The following NUDCD3 variants were observed in gnomAD, a reference collection of about 807,000 sequenced individuals.
The protein encoded by NUDCD3 is nudC domain-containing protein 3.
In NUDCD3, 13 loss-of-function variants were observed where a neutral mutation model predicts 39.7. The observed-to-expected ratio is 0.33, with a 90% CI of 0.21 to 0.52. The LOEUF (loss-of-function observed/expected upper bound fraction) is 0.52, where lower values mean the gene tolerates loss of function less well. NUDCD3 is among the 20% of genes least tolerant of loss of function. NUDCD3 has a pLI of 0.96. For missense variants in NUDCD3, 453 were observed against 458.1 expected (o/e 0.99, Z 0.10); for synonymous variants, 175 against 172.4 (o/e 1.02, Z -0.12).
At chr7:44,443,416 C>A (rs1253867829) in intron 2 of NUDCD3, among the ~76,000 whole-genome samples, 1 of 149,776 alleles carries the variant, frequency 6.7e-6, no homozygotes, top group Non-Finnish European at 1.5e-5. Flanking sequence ...TTTCTTTTTT[C>A]TTTTCTTTTT....
chr7:44,395,537 T>C (rs1798607715), intron 4 of NUDCD3, among the ~76,000 whole-genome samples: 1 of 152,222 alleles, frequency 6.6e-6, no homozygotes, highest in African/African-American at 2.4e-5. Flanking sequence ...GTGCCAATTA[T>C]CAGTCACTCC....
chr7:44,485,274 G>A lies in NUDCD3; in HGVS notation c.203C>T (p.Thr68Ile). 6.2e-7 allele frequency: 1 copy of A among 1,609,108 alleles called. No homozygotes were observed. Among genetic ancestry groups the A allele is most frequent in the Non-Finnish European group, 8.5e-7 (1 of 1,176,896 alleles). Residue 68 changes from threonine (T) to isoleucine (I), a missense_variant, in exon 2 of 6, where the codon ACC becomes ATC. By Grantham distance (89) the Thr-to-Ile change is moderately conservative. Coordinates refer to ENST00000355451, the MANE Select transcript of NUDCD3 (RefSeq NM_015332.4). ...ATCCTGACGGGCCATGTGGTCAAAGGTTTTGAATACCTAAAATCAAACACC... is the reference window on the plus strand; with the variant it reads ...ATCCTGACGGGCCATGTGGTCAAAGATTTTGAATACCTAAAATCAAACACC... ...AQALVLQVFK[T>I]FDHMARQDDE...
intron 2 of NUDCD3, among the ~76,000 whole-genome samples, chr7:44,476,210 A>T (rs1054944341): frequency 2.0e-5 from 3 of 152,210 alleles, no homozygotes; most frequent in African/African-American, 7.2e-5. Flanking sequence ...ACACGGAAAG[A>T]AGTCTCAGGC....
intron 3 of NUDCD3, 63 bp from the exon 4 acceptor site, chr7:44,404,646 T>C: frequency 6.4e-7 from 1 of 1,564,236 alleles, no homozygotes; most frequent in Non-Finnish European, 8.7e-7. Context: ...TGCTGTACGG[T>C]GGGAGTGGTG....
chr7:44,405,747 T>TA (rs1236196595), intron 3 of NUDCD3, among the ~76,000 whole-genome samples: 2 of 152,090 alleles, frequency 1.3e-5, no homozygotes, highest in Non-Finnish European at 2.9e-5. Flanking sequence ...TATTCGTAAA[T>TA]AAAAAATGGA....
At chr7:44,461,485 G>C (rs149839788) in intron 2 of NUDCD3, among the ~76,000 whole-genome samples, 7 of 152,104 alleles carry the variant, frequency 4.6e-5, no homozygotes, top group African/African-American at 9.7e-5. Context: ...TCTCCCTGTG[G>C]GGGGAGGCAC....
intron 4 of NUDCD3, among the ~76,000 whole-genome samples, chr7:44,393,449 C>T (rs1283906280): frequency 6.6e-6 from 1 of 152,124 alleles, no homozygotes; most frequent in Non-Finnish European, 1.5e-5. Context: ...GGGCCCTGGC[C>T]ACACCATGCC....
intron 2 of NUDCD3, among the ~76,000 whole-genome samples, chr7:44,461,759 C>T (rs2116950086): frequency 6.6e-6 from 1 of 152,238 alleles, no homozygotes; most frequent in South Asian, 2.1e-4. Flanking sequence ...GGGCCCTAAC[C>T]CAGACTGTGT....
At chr7:44,413,492 A>G (rs745690638) in intron 3 of NUDCD3, among the ~76,000 whole-genome samples, 1 of 152,238 alleles carries the variant, frequency 6.6e-6, no homozygotes, top group Non-Finnish European at 1.5e-5. Context: ...GAAAAAGTAC[A>G]GCAACCTAAT....
At chr7:44,427,082 C>T (rs1403489538) in intron 3 of NUDCD3, among the ~76,000 whole-genome samples, 1 of 152,204 alleles carries the variant, frequency 6.6e-6, no homozygotes, top group Non-Finnish European at 1.5e-5. Flanking sequence ...AGGAAACTCA[C>T]ATGACAGATG....
intron 2 of NUDCD3, among the ~76,000 whole-genome samples, chr7:44,431,424 G>C (rs1427409549): frequency 6.6e-6 from 1 of 152,174 alleles, no homozygotes; most frequent in African/African-American, 2.4e-5. Flanking sequence ...CTTGGGGATA[G>C]GCCAGACCCT....
chr7:44,479,934 G>A (rs1319357253), intron 2 of NUDCD3, among the ~76,000 whole-genome samples: 1 of 152,160 alleles, frequency 6.6e-6, no homozygotes, highest in Non-Finnish European at 1.5e-5. Flanking sequence ...CTAGAGATCG[G>A]TGCCACAACT....
intron 2 of NUDCD3, among the ~76,000 whole-genome samples, chr7:44,450,393 G>A (rs1369484633): frequency 1.3e-5 from 2 of 151,882 alleles, no homozygotes; most frequent in East Asian, 2.0e-4. Context: ...GGCAAGACTG[G>A]TCTCAAACTC....
At chr7:44,387,946 C>T (rs1304806227) in intron 5 of NUDCD3, among the ~76,000 whole-genome samples, 1 of 152,160 alleles carries the variant, frequency 6.6e-6, no homozygotes, top group Non-Finnish European at 1.5e-5. Context: ...CATCTGAGCG[C>T]AGACAGAGCA....
intron 2 of NUDCD3, among the ~76,000 whole-genome samples, chr7:44,477,073 C>A (rs1168335171): frequency 6.6e-6 from 1 of 152,158 alleles, no homozygotes; most frequent in Non-Finnish European, 1.5e-5. Context: ...GCACAAAGGC[C>A]ACACTACCCA....
chr7:44,452,669 C>T (rs1469783820), intron 2 of NUDCD3, among the ~76,000 whole-genome samples: 1 of 152,206 alleles, frequency 6.6e-6, no homozygotes, highest in Non-Finnish European at 1.5e-5. Flanking sequence ...TAAGATCACT[C>T]ATTTGTGATG....
intron 4 of NUDCD3, among the ~76,000 whole-genome samples, chr7:44,395,796 A>G (rs1040835843): frequency 6.6e-6 from 1 of 152,222 alleles, no homozygotes; most frequent in Non-Finnish European, 1.5e-5. Flanking sequence ...CACTGTATGG[A>G]TAAACCACAT....
At chr7:44,400,701 T>C (rs1798705126) in intron 4 of NUDCD3, among the ~76,000 whole-genome samples, 1 of 152,226 alleles carries the variant, frequency 6.6e-6, no homozygotes, top group South Asian at 2.1e-4. Context: ...GGATCCTTCC[T>C]GCCATTTCCA....
intron 2 of NUDCD3, among the ~76,000 whole-genome samples, chr7:44,447,821 G>C (rs534601815): frequency 6.6e-6 from 1 of 152,292 alleles, no homozygotes; most frequent in Admixed American, 6.5e-5. Context: ...ACATCAATTA[G>C]AAGGGAATAA....
Sources: allele counts gnomAD v4.1 joint callset (sites outside exome capture counted in the v4.1 genomes callset), GRCh38; gene constraint gnomAD v4.1.1; transcripts MANE v1.5; gene names NCBI Gene and HGNC (gene_info 2026-07-23, HGNC 2026-07-21).